CREB5: variants seen among roughly 807,000 people sequenced by gnomAD.
CREB5 encodes the protein cAMP responsive element binding protein 5.
CREB5 carries 19 observed loss-of-function variants against 57.1 expected under a neutral mutation model. The observed-to-expected ratio is 0.33, with a 90% CI of 0.23 to 0.49. The LOEUF (loss-of-function observed/expected upper bound fraction) is 0.49. Ranked by LOEUF, CREB5 falls within the 20% of genes least tolerant of loss-of-function variation. CREB5 has a pLI of 0.99. For synonymous variants in CREB5, 238 were observed against 238.3 expected, an observed-to-expected ratio of 1.00 and a Z score of 0.01; for missense variants, 579 against 671.6, an observed-to-expected ratio of 0.86 and a Z score of 1.52.
Position 28,677,362 on chromosome 7 carries a change from A to G in CREB5, c.465-41391A>G, listed in dbSNP as rs530463852. 1.1e-3 allele frequency among the ~76,000 whole-genome samples: 162 copies of G among 152,226 alleles called. 1 individual carries two copies. Among genetic ancestry groups the G allele is most frequent in the African/African-American group, 3.3e-3 (139 of 41,532 alleles). ...CCCACCTTGACCTATATAATCTCCA[A>G]GGTAATACCTGGAGACCTACGTTTT... is the stretch of plus-strand genomic sequence containing the variant. On this transcript the variant is annotated intron_variant, in intron 5 of 10. Transcript: ENST00000357727.
intron 1 of CREB5, among the ~76,000 whole-genome samples, chr7:28,470,867 G>A (rs1315115945): frequency 6.6e-6 from 1 of 152,104 alleles, no homozygotes; most frequent in Non-Finnish European, 1.5e-5. Flanking sequence ...TTTGCTATTT[G>A]TATGTCTTCT....
chr7:28,627,740 C>A (rs893091694), intron 5 of CREB5, among the ~76,000 whole-genome samples: 2 of 152,124 alleles, frequency 1.3e-5, no homozygotes, highest in African/African-American at 4.8e-5. Flanking sequence ...CCCTGGACCT[C>A]CTCTGGCCAT....
At chr7:28,708,748 A>C (rs1802255308) in intron 5 of CREB5, among the ~76,000 whole-genome samples, 1 of 152,214 alleles carries the variant, frequency 6.6e-6, no homozygotes, top group African/African-American at 2.4e-5. Context: ...AAAATACACT[A>C]ACTGACAAGC....
intron 4 of CREB5, among the ~76,000 whole-genome samples, chr7:28,523,889 C>T (rs1036682572): frequency 6.6e-6 from 1 of 152,210 alleles, no homozygotes; most frequent in African/African-American, 2.4e-5. Flanking sequence ...GCACACCTCA[C>T]CTCCTACCTT....
At chr7:28,329,547 G>T (rs1198482197) in intron 1 of CREB5, among the ~76,000 whole-genome samples, 1 of 152,108 alleles carries the variant, frequency 6.6e-6, no homozygotes, top group East Asian at 1.9e-4. Flanking sequence ...TTGACTTCTC[G>T]CCGACTTGTT....
At chr7:28,568,452 G>C (rs1246882603) in intron 4 of CREB5, among the ~76,000 whole-genome samples, 3 of 152,150 alleles carry the variant, frequency 2.0e-5, no homozygotes, top group African/African-American at 4.8e-5. Flanking sequence ...AAATAAGTTT[G>C]TCAAGGTTCA....
chr7:28,492,569 A>G (rs1264496757), intron 2 of CREB5, among the ~76,000 whole-genome samples: 2 of 152,192 alleles, frequency 1.3e-5, no homozygotes, highest in African/African-American at 4.8e-5. Flanking sequence ...AGGTAATTAT[A>G]GTCAGTATGT....
intron 5 of CREB5, among the ~76,000 whole-genome samples, chr7:28,584,374 G>T (rs904752250): frequency 1.3e-5 from 2 of 152,226 alleles, no homozygotes; most frequent in Admixed American, 6.5e-5. Flanking sequence ...AGGTTAAGAT[G>T]ACATTGTGGA....
At chr7:28,631,572 G>A (rs938002427) in intron 5 of CREB5, among the ~76,000 whole-genome samples, 1 of 152,066 alleles carries the variant, frequency 6.6e-6, no homozygotes, top group South Asian at 2.1e-4. Context: ...GGCGGCAGAG[G>A]GGATGAAGTC....
At chr7:28,717,680 T>G (rs748152794) in intron 5 of CREB5, among the ~76,000 whole-genome samples, 13 of 152,218 alleles carry the variant, frequency 8.5e-5, no homozygotes, top group Non-Finnish European at 1.6e-4. Context: ...CCTCGTTCTC[T>G]CTCTCTTAAG....
chr7:28,411,433 G>A (rs944091382), upstream of CREB5, among the ~76,000 whole-genome samples: 9 of 151,958 alleles, frequency 5.9e-5, no homozygotes, highest in Non-Finnish European at 1.0e-4. Flanking sequence ...TTTCTATGTT[G>A]AAAGAGGAAG....
rs913182664 is a variant in CREB5 at position 28,756,989 on chromosome 7, C to A, written c.702+32657C>A. On this transcript the variant is annotated intron_variant, in intron 7 of 10. Coordinates refer to ENST00000357727, the MANE Select transcript of CREB5 (RefSeq NM_182898.4). Reference sequence around the variant, plus strand: ...CTGTTAATAAGTAAATTTTGAGAATCTGCAACATATTGTTTATAGGTACCA... The same window carrying A: ...CTGTTAATAAGTAAATTTTGAGAATATGCAACATATTGTTTATAGGTACCA... Among the ~76,000 whole-genome samples, 3 of 152,188 alleles carry A rather than the reference C, an allele frequency of 2.0e-5. No homozygotes were observed. In the East Asian group the frequency reaches 5.8e-4, roughly 29 times the overall value.
At chr7:28,457,103 T>A (rs1790127384) in intron 1 of CREB5, among the ~76,000 whole-genome samples, 2 of 152,164 alleles carry the variant, frequency 1.3e-5, no homozygotes, top group African/African-American at 4.8e-5. Context: ...TGGGGCTGAA[T>A]GTATTCTCTT....
At chr7:28,722,602 T>C (rs1236202638) in intron 6 of CREB5, among the ~76,000 whole-genome samples, 1 of 152,172 alleles carries the variant, frequency 6.6e-6, no homozygotes, top group African/African-American at 2.4e-5. Flanking sequence ...ACAATGAAAA[T>C]AATTTTAAAA....
chr7:28,646,574 T>G (rs1326107490), intron 5 of CREB5, among the ~76,000 whole-genome samples: 3 of 152,194 alleles, frequency 2.0e-5, no homozygotes, highest in Non-Finnish European at 4.4e-5. Flanking sequence ...TTATTTCATG[T>G]GTTTTCAAGA....
At chr7:28,359,555 A>G (rs1207524846) in intron 1 of CREB5, among the ~76,000 whole-genome samples, 1 of 152,220 alleles carries the variant, frequency 6.6e-6, no homozygotes, top group East Asian at 1.9e-4. Context: ...TTCATACCAT[A>G]TACAAACATC....
intron 1 of CREB5, among the ~76,000 whole-genome samples, chr7:28,346,053 G>A (rs377236737): frequency 7.2e-5 from 11 of 152,294 alleles, no homozygotes; most frequent in African/African-American, 2.2e-4. Flanking sequence ...AGTGTCCCAG[G>A]TTGGGTTTAC....
chr7:28,656,719 C>T (rs1300331178), intron 5 of CREB5, among the ~76,000 whole-genome samples: 1 of 152,240 alleles, frequency 6.6e-6, no homozygotes, highest in African/African-American at 2.4e-5. Flanking sequence ...AAGTCCATCT[C>T]TGCTCAGTCA....
intron 1 of CREB5, among the ~76,000 whole-genome samples, chr7:28,482,371 T>G (rs919295831): frequency 6.6e-6 from 1 of 152,212 alleles, no homozygotes; most frequent in South Asian, 2.1e-4. Flanking sequence ...TTCTGACAGA[T>G]GTATTGAGAT....
Sources: allele counts gnomAD v4.1 joint callset (sites outside exome capture counted in the v4.1 genomes callset), GRCh38; gene constraint gnomAD v4.1.1; transcripts MANE v1.5; gene names NCBI Gene and HGNC (gene_info 2026-07-23, HGNC 2026-07-21).